VPS26A: variants seen among roughly 807,000 people sequenced by gnomAD.
The protein encoded by VPS26A is vacuolar protein sorting-associated protein 26A.
VPS26A carries 22 observed loss-of-function variants against 42.4 expected under a neutral mutation model. The observed-to-expected ratio is 0.52, with a 90% CI of 0.37 to 0.74. The LOEUF (loss-of-function observed/expected upper bound fraction) is 0.74. VPS26A is among the 30% of genes least tolerant of loss of function. VPS26A has a pLI of 0.00. For missense variants in VPS26A, 276 were observed against 379.2 expected (o/e 0.73, Z 2.26); for synonymous variants, 110 against 123.5 (o/e 0.89, Z 0.73).
intron 2 of VPS26A, among the ~76,000 whole-genome samples, chr10:69,136,142 G>A (rs906043587): frequency 1.3e-5 from 2 of 152,176 alleles, no homozygotes; most frequent in African/African-American, 4.8e-5. Context: ...TCAGTTGGCA[G>A]CTAGGTCCAG....
intron 7 of VPS26A, among the ~76,000 whole-genome samples, chr10:69,166,634 C>T (rs532558447): frequency 7.2e-5 from 11 of 152,260 alleles, no homozygotes; most frequent in South Asian, 2.1e-4. Flanking sequence ...TATTAAGTGC[C>T]AAGTGTAGAT....
chr10:69,151,275 A>ACAAAAC (rs1564680876), intron 2 of VPS26A, among the ~76,000 whole-genome samples: 6 of 70,630 alleles, frequency 8.5e-5, no homozygotes, highest in African/African-American at 2.1e-4. Flanking sequence ...AAAAAAAAAA[A>ACAAAAC]AAAAAAAACA....
In VPS26A at chr10:69,166,054, CAACAGA is replaced by C. The variant is rs923599074; in HGVS notation, c.682_687del (p.Glu228_Thr229del). ...ATTATTGCACTAGGACCCAGTACCA[CAACAGA>C]AACAGAAACAATCGCCAAATATGAA... On this transcript the variant is annotated inframe_deletion, in exon 7 of 9. Coordinates refer to ENST00000263559, the MANE Select transcript of VPS26A (RefSeq NM_004896.5). 2.5e-6 allele frequency: 4 copies of C among 1,613,720 alleles called. No individual in the cohort carries two copies. The highest frequency in any genetic ancestry group is 3.4e-6 in the Non-Finnish European group (4 of 1,179,806).
At chr10:69,133,220 A>C (rs1283846079) in intron 2 of VPS26A, among the ~76,000 whole-genome samples, 173 bp downstream of exon 2, 1 of 152,144 alleles carries the variant, frequency 6.6e-6, no homozygotes, top group Non-Finnish European at 1.5e-5. Context: ...CCTGCAAAGG[A>C]AAGATTCTTA....
At chr10:69,142,344 C>T (rs2132204019) in intron 2 of VPS26A, among the ~76,000 whole-genome samples, 1 of 140,582 alleles carries the variant, frequency 7.1e-6, no homozygotes, top group South Asian at 2.5e-4. Flanking sequence ...ATGAACCACC[C>T]TGCCTGGCTA....
rs1472691883 is a variant in VPS26A, at chr10:69,158,600, GA to G, written c.551+391del. The stretch of plus-strand genomic sequence containing the variant: ...GTATATCATTTCTTGGGGGGAGGGG[GA>G]AGGTATATATGTTTATATATGTTGT... On this transcript the variant is annotated intron_variant, in intron 5 of 8. Transcript: ENST00000263559. 2.6e-5 allele frequency among the ~76,000 whole-genome samples: 4 copies of G among 152,132 alleles called. No homozygotes were observed. In the East Asian group the frequency reaches 7.7e-4, roughly 29 times the overall value.
chr10:69,155,042 T>C (rs946874796), intron 2 of VPS26A, among the ~76,000 whole-genome samples: 4 of 152,132 alleles, frequency 2.6e-5, no homozygotes, highest in Non-Finnish European at 4.4e-5. Flanking sequence ...TCTAGCACTT[T>C]GGGAGGCTGA....
intron 2 of VPS26A, among the ~76,000 whole-genome samples, chr10:69,154,365 C>T (rs1400529589): frequency 6.6e-6 from 1 of 151,852 alleles, no homozygotes; most frequent in Non-Finnish European, 1.5e-5. Context: ...AATGAAACCC[C>T]ATCTCCACCA....
chr10:69,124,734 ACT>A (rs1035245803), intron 1 of VPS26A, among the ~76,000 whole-genome samples: 12 of 151,688 alleles, frequency 7.9e-5, no homozygotes, highest in African/African-American at 2.9e-4. Context: ...AACTTGATAA[ACT>A]CTGATATTTT....
Position 69,124,201 on chromosome 10 carries a change from A to T in VPS26A, c.-77A>T, listed in dbSNP as rs577645200. On this transcript the variant is annotated 5_prime_UTR_variant, in exon 1 of 9. Coordinates refer to ENST00000263559, the MANE Select transcript of VPS26A (RefSeq NM_004896.5). The stretch of plus-strand genomic sequence containing the variant: ...CCGAGGTCACGTGACGGAGCGCCGG[A>T]GCGGAGGGAGCCGGGGCTGGGAGTT... The T allele has an allele frequency of 2.0e-5, 25 of 1,261,528 alleles. No homozygotes were observed. Among genetic ancestry groups the T allele is most frequent in the Non-Finnish European group, 2.3e-5 (23 of 996,736 alleles). The allele number at this position is 1,261,528 out of a possible 1,614,324, so 78.1% of individuals were successfully genotyped here. A position where few individuals can be genotyped will look rare whatever the true frequency, so the allele number is the denominator to read the frequency against.
intron 7 of VPS26A, among the ~76,000 whole-genome samples, chr10:69,166,481 A>G (rs1278815284): frequency 6.6e-6 from 1 of 152,198 alleles, no homozygotes; most frequent in Non-Finnish European, 1.5e-5. Flanking sequence ...TTTTGGAGTC[A>G]TTATAGCTCT....
intron 2 of VPS26A, among the ~76,000 whole-genome samples, chr10:69,151,368 C>G (rs1193580111): frequency 6.7e-6 from 1 of 148,150 alleles, no homozygotes; most frequent in African/African-American, 2.5e-5. Context: ...AGGAGAATCA[C>G]TTGAACTGGG....
At chr10:69,159,891 C>A (rs1455898004) in intron 5 of VPS26A, among the ~76,000 whole-genome samples, 1 of 151,910 alleles carries the variant, frequency 6.6e-6, no homozygotes, top group Non-Finnish European at 1.5e-5. Context: ...TATAGGTTTC[C>A]CTTCTATTTT....
In VPS26A at chr10:69,174,351, A is replaced by C. The variant is rs1841887348; in HGVS notation, c.*3082A>C. Among the ~76,000 whole-genome samples, 3 of 152,332 alleles carry C rather than the reference A, an allele frequency of 2.0e-5. No homozygotes were observed. Among genetic ancestry groups the C allele is most frequent in the Non-Finnish European group, 4.4e-5 (3 of 68,030 alleles). On this transcript the variant is annotated 3_prime_UTR_variant, in exon 9 of 9. Coordinates refer to ENST00000263559, the MANE Select transcript of VPS26A (RefSeq NM_004896.5). ...GGGTGACAGAGACACCATGTCTCAA[A>C]AATCTACCCAGAGTTGGGAACCACT...
At chr10:69,159,349 C>T (rs1467947666) in intron 5 of VPS26A, among the ~76,000 whole-genome samples, 2 of 151,150 alleles carry the variant, frequency 1.3e-5, no homozygotes, top group African/African-American at 4.9e-5. Context: ...CCACTGCAGT[C>T]CAGCCTGGGT....
At chr10:69,163,625 T>C (rs925111613) in intron 6 of VPS26A, among the ~76,000 whole-genome samples, 6 of 152,174 alleles carry the variant, frequency 3.9e-5, no homozygotes, top group South Asian at 2.1e-4. Context: ...GGATTCTTTT[T>C]CCCCCACTGC....
chr10:69,133,471 A>T, intron 2 of VPS26A: 1 of 982,512 alleles, frequency 1.0e-6, no homozygotes, highest in Non-Finnish European at 1.3e-6. Flanking sequence ...AGGTTTTTTT[A>T]CATTCTTTGT....
At chr10:69,159,658 GA>G (rs941071577) in intron 5 of VPS26A, among the ~76,000 whole-genome samples, 35 of 152,044 alleles carry the variant, frequency 2.3e-4, no homozygotes, top group African/African-American at 8.0e-4. Flanking sequence ...TGTCTATTCA[GA>G]AAAAAGTTTT....
chr10:69,168,529 C>T lies in VPS26A; in HGVS notation c.768C>T (p.Asp256=), dbSNP rs139296312. 1 of 1,613,892 alleles carries T rather than the reference C, an allele frequency of 6.2e-7. No homozygotes were observed. The highest frequency in any genetic ancestry group is 1.3e-5 in the African/African-American group (1 of 74,884). ...IPIRLFLAGY[D]PTPTMRDVNK... is the part of the protein sequence containing the mutation. Reference sequence around the variant, plus strand: ...TAAGGCTATTTTTAGCAGGATATGACCCAACTCCAACAATGAGAGATGTGA... The same window carrying T: ...TAAGGCTATTTTTAGCAGGATATGATCCAACTCCAACAATGAGAGATGTGA... Residue 256 remains aspartate (D), a synonymous_variant, in exon 8 of 9, where the codon GAC becomes GAT. Transcript: ENST00000263559.
Sources: gnomAD v4.1 joint callset for allele counts (sites outside exome capture counted in the v4.1 genomes callset) on GRCh38, gnomAD v4.1.1 for gene constraint, MANE v1.5 for transcripts, NCBI Gene and HGNC (gene_info 2026-07-23, HGNC 2026-07-21) for gene names.